KDM4C: variants seen among roughly 807,000 people sequenced by gnomAD.
The protein encoded by KDM4C is lysine-specific demethylase 4C.
KDM4C carries 81 observed loss-of-function variants against 129.3 expected under a neutral mutation model. The observed-to-expected ratio is 0.63, with a 90% CI of 0.52 to 0.75. The LOEUF is 0.75. Among genes scored for constraint, KDM4C ranks in the 30% least tolerant of loss-of-function variants. The probability of loss-of-function intolerance (pLI) is 0.00; values close to 1 mark genes in which losing one functional copy is unlikely to be tolerated. For missense variants in KDM4C, 1,457 were observed against 1,304.0 expected (o/e 1.12, Z -1.81); for synonymous variants, 573 against 456.1 (o/e 1.26, Z -3.26).
intron 17 of KDM4C, among the ~76,000 whole-genome samples, chr9:7,079,745 C>T (rs1834320014): frequency 6.6e-6 from 1 of 152,186 alleles, no homozygotes; most frequent in African/African-American, 2.4e-5. Context: ...AATAGAGATT[C>T]CTAAACTGGG....
chr9:6,900,625 A>T (rs983206047), intron 8 of KDM4C, among the ~76,000 whole-genome samples: 2 of 152,202 alleles, frequency 1.3e-5, no homozygotes. Flanking sequence ...ACAATGCAAG[A>T]CCTGTCTCAA....
rs1193462518 is a variant in KDM4C at position 7,103,852 on chromosome 9, T to C, written c.2592T>C (p.His864=). ...PYVVNITCFR[H]KVNPNVKSKA... is the part of the protein sequence containing the mutation. ...TGGTGAACATTACATGCTTTCGACA[T>C]AAGGTCAACCCCAACGTGGTAAGAT... is the stretch of plus-strand genomic sequence containing the variant. The change falls in exon 18 of 22, where the codon CAT becomes CAC. Residue 864 remains histidine, a synonymous_variant. Coordinates refer to ENST00000381309, the MANE Select transcript of KDM4C (RefSeq NM_015061.6). The C allele has an allele frequency of 6.2e-6, 10 of 1,613,924 alleles. No homozygotes were observed. Among genetic ancestry groups the C allele is most frequent in the Non-Finnish European group, 8.5e-6 (10 of 1,179,880 alleles).
chr9:7,075,128 A>T (rs529168813), intron 17 of KDM4C, among the ~76,000 whole-genome samples: 19 of 152,324 alleles, frequency 1.2e-4, no homozygotes, highest in African/African-American at 4.3e-4. Flanking sequence ...TGGGCATGAT[A>T]TGCAGTCAGT....
At chr9:6,984,486 C>A in intron 10 of KDM4C, 82 bp downstream of exon 10, 1 of 878,718 alleles carries the variant, frequency 1.1e-6, no homozygotes, top group Non-Finnish European at 1.9e-6. Flanking sequence ...TTCACTATGA[C>A]AAGTATCTGA....
At chr9:7,003,216 G>T (rs1028362545) in intron 12 of KDM4C, among the ~76,000 whole-genome samples, 6 of 152,192 alleles carry the variant, frequency 3.9e-5, no homozygotes, top group African/African-American at 1.4e-4. Flanking sequence ...ACTGGTAAAA[G>T]AAGTTGAAGT....
chr9:6,999,004 A>G (rs956097952), intron 12 of KDM4C, among the ~76,000 whole-genome samples: 10 of 152,080 alleles, frequency 6.6e-5, no homozygotes, highest in African/African-American at 1.9e-4. Flanking sequence ...TCTTGTAGTC[A>G]TTGTCCTGCT....
At chr9:7,031,063 A>T (rs115146467) in intron 15 of KDM4C, among the ~76,000 whole-genome samples, 1 of 152,236 alleles carries the variant, frequency 6.6e-6, no homozygotes, top group African/African-American at 2.4e-5. Context: ...TAAGAAATCA[A>T]AACCCAAACA....
At chr9:6,742,496 C>T (rs942140674) in intron 1 of KDM4C, among the ~76,000 whole-genome samples, 2 of 151,224 alleles carry the variant, frequency 1.3e-5, no homozygotes, top group African/African-American at 2.4e-5. Context: ...TGCTGGCCTT[C>T]GTGAGTATCA....
intron 12 of KDM4C, among the ~76,000 whole-genome samples, chr9:7,000,456 G>A (rs1820526285): frequency 6.6e-6 from 1 of 152,160 alleles, no homozygotes; most frequent in Non-Finnish European, 1.5e-5. Context: ...ATAAGAAAGA[G>A]TTTGAGTCTT....
chr9:6,753,738 C>T (rs1319158900), upstream of KDM4C, among the ~76,000 whole-genome samples: 4 of 152,060 alleles, frequency 2.6e-5, no homozygotes, highest in African/African-American at 7.2e-5. Flanking sequence ...CCTGCAGTTA[C>T]GGCATTAATT....
At chr9:7,001,021 T>A (rs575017854) in intron 12 of KDM4C, among the ~76,000 whole-genome samples, 138 of 152,334 alleles carry the variant, frequency 9.1e-4, no homozygotes, top group African/African-American at 3.3e-3. Context: ...GTCATGGAAG[T>A]TAAGTAACAT....
intron 12 of KDM4C, among the ~76,000 whole-genome samples, chr9:7,003,816 T>C (rs542877835): frequency 2.0e-5 from 3 of 152,318 alleles, no homozygotes; most frequent in Admixed American, 1.3e-4. Flanking sequence ...CACTTAAATA[T>C]AGTTTCATAC....
intron 17 of KDM4C, among the ~76,000 whole-genome samples, chr9:7,069,902 G>T (rs1328821001): frequency 2.0e-5 from 3 of 152,224 alleles, no homozygotes; most frequent in African/African-American, 7.2e-5. Flanking sequence ...GATTTGAAGT[G>T]CTACAATATT....
At chr9:6,939,959 A>AATCTATCTACCTACGT (rs149769129) in intron 8 of KDM4C, among the ~76,000 whole-genome samples, 1 of 112,460 alleles carries the variant, frequency 8.9e-6, no homozygotes, top group Non-Finnish European at 2.0e-5. Flanking sequence ...TCCAATAACC[A>AATCTATCTACCTACGT]ACCTACCTAC....
chr9:6,960,282 A>ATTTTT (rs34061929), intron 8 of KDM4C, among the ~76,000 whole-genome samples: 2 of 143,230 alleles, frequency 1.4e-5, no homozygotes, highest in Non-Finnish European at 3.0e-5. Context: ...AATGTTTTTA[A>ATTTTT]TTTTTTTTTT....
At chr9:6,888,719 C>A (rs889991417) in intron 7 of KDM4C, among the ~76,000 whole-genome samples, 10 of 151,646 alleles carry the variant, frequency 6.6e-5, no homozygotes, top group Non-Finnish European at 1.5e-4. Flanking sequence ...CTCTCAGTCT[C>A]AGGAGGATTA....
chr9:6,741,297 A>G (rs1817683669), intron 1 of KDM4C, among the ~76,000 whole-genome samples: 1 of 152,046 alleles, frequency 6.6e-6, no homozygotes, highest in South Asian at 2.1e-4. Context: ...CAGGAGGCTG[A>G]GGCAGCAGAA....
chr9:6,789,333 G>A (rs534706471), intron 1 of KDM4C, among the ~76,000 whole-genome samples: 2 of 148,048 alleles, frequency 1.4e-5, no homozygotes, highest in Admixed American at 6.9e-5. Flanking sequence ...CAATTCTCCC[G>A]CCTCAGCCTC....
intron 13 of KDM4C, among the ~76,000 whole-genome samples, chr9:7,013,144 T>C (rs1822998798): frequency 6.6e-6 from 1 of 152,180 alleles, no homozygotes; most frequent in South Asian, 2.1e-4. Context: ...TAATAAGATT[T>C]GTGGAGATTT....
Sources: allele counts gnomAD v4.1 joint callset (sites outside exome capture counted in the v4.1 genomes callset), GRCh38; gene constraint gnomAD v4.1.1; transcripts MANE v1.5; gene names NCBI Gene and HGNC (gene_info 2026-07-23, HGNC 2026-07-21).